PATJ: variants seen among roughly 807,000 people sequenced by gnomAD.
PATJ encodes the protein PATJ crumbs cell polarity complex component, also known as inaD-like protein.
In PATJ, 190 loss-of-function variants were observed where a neutral mutation model predicts 224.9. That is an observed-to-expected ratio of 0.84 (90% CI 0.75 to 0.95). The LOEUF (loss-of-function observed/expected upper bound fraction) is 0.95. Ranked by LOEUF, PATJ falls within the 40% of genes least tolerant of loss-of-function variation. The pLI is 0.00. For missense variants in PATJ, 2,121 were observed against 2,270.3 expected, an observed-to-expected ratio of 0.93 and a Z score of 1.34; for synonymous variants, 769 against 820.3, an observed-to-expected ratio of 0.94 and a Z score of 1.07.
At chr1:62,083,999 G>C (rs1365330337) in intron 32 of PATJ, among the ~76,000 whole-genome samples, 1 of 152,078 alleles carries the variant, frequency 6.6e-6, no homozygotes, top group Non-Finnish European at 1.5e-5. Context: ...CACACCTATA[G>C]TCCTAGCACT....
At chr1:62,076,126 T>C (rs1558134351) in intron 31 of PATJ, among the ~76,000 whole-genome samples, 1 of 152,156 alleles carries the variant, frequency 6.6e-6, no homozygotes, top group Admixed American at 6.5e-5. Context: ...AGTTTTGTTT[T>C]GTTTTGTTTT....
At chr1:61,998,178 C>T (rs2149590285) in intron 28 of PATJ, among the ~76,000 whole-genome samples, 1 of 150,574 alleles carries the variant, frequency 6.6e-6, no homozygotes, top group African/African-American at 2.5e-5. Flanking sequence ...CTCCTAAATT[C>T]AAGCTATTCT....
intron 8 of PATJ, among the ~76,000 whole-genome samples, chr1:61,789,611 G>A (rs4915776): frequency 0.43 from 64,673 of 151,458 alleles, 14,670 homozygotes; most frequent in South Asian, 0.61. Flanking sequence ...CCAGGAGTTC[G>A]AGACCAGCCT....
At chr1:61,758,471 C>T (rs1645777695) in intron 1 of PATJ, among the ~76,000 whole-genome samples, 1 of 152,082 alleles carries the variant, frequency 6.6e-6, no homozygotes, top group South Asian at 2.1e-4. Flanking sequence ...GACTCAGCCT[C>T]CCGAATAGCT....
At position 62,088,183 on chromosome 1, in the gene PATJ, G is replaced by A. The variant is rs552685720; in HGVS notation, c.4377+3535G>A. ...TGGGATTACAGGCATAAGCCACCACGCCCAGCCAATTCTTTGTAATTTTAT... is the reference window on the plus strand; with the variant it reads ...TGGGATTACAGGCATAAGCCACCACACCCAGCCAATTCTTTGTAATTTTAT... On this transcript the variant is annotated intron_variant, in intron 33 of 43. Coordinates refer to ENST00000642238, the MANE Select transcript of PATJ (RefSeq NM_001350145.3). Among the ~76,000 whole-genome samples, 37 of 151,744 alleles carry A rather than the reference G, an allele frequency of 2.4e-4. No individual in the cohort carries two copies. In the South Asian group the frequency reaches 2.5e-3, roughly 10 times the overall value.
chr1:62,156,749 C>G (rs1459932712), intron 43 of PATJ, among the ~76,000 whole-genome samples: 1 of 151,172 alleles, frequency 6.6e-6, no homozygotes, highest in Non-Finnish European at 1.5e-5. Flanking sequence ...GACCCTGTCT[C>G]TACCAAACAT....
intron 7 of PATJ, among the ~76,000 whole-genome samples, chr1:61,780,616 C>T (rs776995054): frequency 1.3e-5 from 2 of 152,012 alleles, no homozygotes; most frequent in Admixed American, 6.6e-5. Flanking sequence ...CTCCTCCTGC[C>T]TCTGCCTTAG....
intron 32 of PATJ, 53 bp from the exon 33 acceptor site, chr1:62,084,462 G>A: frequency 5.7e-6 from 9 of 1,572,638 alleles, no homozygotes; most frequent in Non-Finnish European, 7.8e-6. Flanking sequence ...GGAACGTGCA[G>A]GCTGAGCTGC....
In PATJ at chr1:62,125,259, AAAAAC is replaced by A. The variant is rs1558203973; in HGVS notation, c.5043+2206_5043+2210del. Among the ~76,000 whole-genome samples the A allele has an allele frequency of 1.4e-3, 157 of 113,256 alleles. 17 individuals carry two copies. Among genetic ancestry groups the A allele is most frequent in the East Asian group, 4.9e-3 (19 of 3,864 alleles). 74.3% of individuals were successfully genotyped at this position (113,256 alleles called of 152,430 possible). ...CTCAAAAAAAAAAAAAAAAACAAAA[AAAAAC>A]AAAAAAAAAACGCCATTAGCTCTAT... On this transcript the variant is annotated intron_variant, in intron 39 of 43. Coordinates refer to ENST00000642238, the MANE Select transcript of PATJ (RefSeq NM_001350145.3).
intron 29 of PATJ, among the ~76,000 whole-genome samples, chr1:62,025,871 G>A (rs761712720): frequency 4.6e-5 from 7 of 152,098 alleles, no homozygotes. Flanking sequence ...AACTTATTAG[G>A]CCAAGTCATC....
chr1:61,920,702 CTTTTTTTTTTTTTTTT>C (rs71582652), intron 26 of PATJ, among the ~76,000 whole-genome samples: 1 of 89,508 alleles, frequency 1.1e-5, no homozygotes, highest in Non-Finnish European at 2.1e-5. Context: ...GTATGGAATT[CTTTTTTTTTTTTTTTT>C]TTTTTTTGAG....
chr1:62,155,415 G>A (rs1314683636), intron 43 of PATJ, among the ~76,000 whole-genome samples: 1 of 152,148 alleles, frequency 6.6e-6, no homozygotes, highest in Non-Finnish European at 1.5e-5. Flanking sequence ...CAGACACCCT[G>A]ACGGGGCACC....
intron 29 of PATJ, among the ~76,000 whole-genome samples, chr1:62,028,706 C>T (rs982156083): frequency 6.6e-6 from 1 of 151,988 alleles, no homozygotes; most frequent in Non-Finnish European, 1.5e-5. Flanking sequence ...TTGCTCTAGC[C>T]CAGAAGGTCA....
chr1:61,856,751 G>GCTACTAAT (rs945030404), intron 18 of PATJ, among the ~76,000 whole-genome samples: 4 of 152,090 alleles, frequency 2.6e-5, no homozygotes, highest in Admixed American at 2.0e-4. Context: ...ACTGTGCCTG[G>GCTACTAAT]CTACTAATTT....
intron 28 of PATJ, among the ~76,000 whole-genome samples, chr1:62,001,195 T>G (rs994636130): frequency 2.0e-5 from 3 of 151,284 alleles, no homozygotes; most frequent in East Asian, 1.9e-4. Flanking sequence ...TTAGTTTAAT[T>G]AGATCCCATT....
At chr1:62,144,216 G>A (rs1667786390) in intron 41 of PATJ, among the ~76,000 whole-genome samples, 1 of 152,102 alleles carries the variant, frequency 6.6e-6, no homozygotes, top group South Asian at 2.1e-4. Context: ...ACATAGCAGT[G>A]TTTTCCCCAG....
intron 43 of PATJ, among the ~76,000 whole-genome samples, chr1:62,158,120 G>C (rs1440910092): frequency 1.3e-5 from 2 of 149,526 alleles, no homozygotes; most frequent in Non-Finnish European, 3.0e-5. Flanking sequence ...TACGGCATCT[G>C]AGAAGACTAA....
At chr1:61,822,448 A>G (rs1390829156) in intron 14 of PATJ, among the ~76,000 whole-genome samples, 2 of 138,620 alleles carry the variant, frequency 1.4e-5, no homozygotes, top group Non-Finnish European at 3.2e-5. Context: ...AAAAAAAAAG[A>G]AAAGAAAAGA....
chr1:61,952,170 G>A (rs893920091), intron 27 of PATJ: 4 of 479,784 alleles, frequency 8.3e-6, no homozygotes, highest in Non-Finnish European at 1.5e-5. Context: ...TGTTTAGCTT[G>A]AGGACTAGCT....
Sources: gnomAD v4.1 joint callset for allele counts (sites outside exome capture counted in the v4.1 genomes callset) on GRCh38, gnomAD v4.1.1 for gene constraint, MANE v1.5 for transcripts, NCBI Gene and HGNC (gene_info 2026-07-23, HGNC 2026-07-21) for gene names.